ADAM12: variants seen among roughly 807,000 people sequenced by gnomAD.
ADAM12 encodes the protein disintegrin and metalloproteinase domain-containing protein 12.
In ADAM12, 70 loss-of-function variants were observed where a neutral mutation model predicts 106.4. The observed-to-expected ratio is 0.66, with a 90% CI of 0.54 to 0.80. ADAM12 has a LOEUF of 0.80. Among genes scored for constraint, ADAM12 ranks in the 30% least tolerant of loss-of-function variants. The pLI is 0.00. For missense variants in ADAM12, 1,010 were observed against 1,171.9 expected (o/e 0.86, Z 2.02); for synonymous variants, 420 against 433.5 (o/e 0.97, Z 0.39).
At chr10:126,051,952 G>C (rs1262167653) in intron 14 of ADAM12, among the ~76,000 whole-genome samples, 1 of 152,198 alleles carries the variant, frequency 6.6e-6, no homozygotes, top group Admixed American at 6.5e-5. Context: ...TCTTAGAGAA[G>C]ACATCATGAG....
At chr10:126,284,225 C>T (rs563696765) in intron 2 of ADAM12, among the ~76,000 whole-genome samples, 5 of 146,506 alleles carry the variant, frequency 3.4e-5, no homozygotes, top group East Asian at 2.1e-4. Context: ...CCTAGCTACT[C>T]GGGAGGCTGA....
At chr10:126,173,319 C>G (rs953821030) in intron 3 of ADAM12, among the ~76,000 whole-genome samples, 1 of 152,098 alleles carries the variant, frequency 6.6e-6, no homozygotes, top group East Asian at 1.9e-4. Context: ...TTGAGGTGAC[C>G]TCAGAAAGGG....
chr10:126,179,674 G>C (rs1288547500), intron 3 of ADAM12, among the ~76,000 whole-genome samples: 1 of 152,086 alleles, frequency 6.6e-6, no homozygotes, highest in Non-Finnish European at 1.5e-5. Context: ...TAAATGCCAG[G>C]CTGGGTACTG....
intron 3 of ADAM12, among the ~76,000 whole-genome samples, chr10:126,237,563 T>C (rs1178491538): frequency 6.6e-6 from 1 of 152,228 alleles, no homozygotes; most frequent in Non-Finnish European, 1.5e-5. Flanking sequence ...AATATCTTCA[T>C]ATATTTTTGT....
In ADAM12 at chr10:126,038,222, A is replaced by C; in HGVS notation, c.2349+19T>G. On this transcript the variant is annotated intron_variant, in intron 20 of 22. Transcript: ENST00000448723. ...GTCTGCATGTGTGCCCTGAGCACTCACATCTACTCAAGACTCACCTTCGGT... is the reference window on the plus strand; with the variant it reads ...GTCTGCATGTGTGCCCTGAGCACTCCCATCTACTCAAGACTCACCTTCGGT... The C allele has an allele frequency of 6.3e-7, 1 of 1,589,314 alleles. No homozygotes were observed. The highest frequency in any genetic ancestry group is 8.6e-7 in the Non-Finnish European group (1 of 1,164,086).
chr10:126,084,345 AG>A (rs1175395450), intron 11 of ADAM12, among the ~76,000 whole-genome samples: 1 of 152,204 alleles, frequency 6.6e-6, no homozygotes, highest in Non-Finnish European at 1.5e-5. Flanking sequence ...CCATATTAAA[AG>A]GACCTCAGCC....
chr10:126,048,675 A>C (rs1565011726), intron 16 of ADAM12, among the ~76,000 whole-genome samples: 1 of 152,152 alleles, frequency 6.6e-6, no homozygotes. Flanking sequence ...GAAAAAAAAA[A>C]AATCAGTATG....
At chr10:126,218,931 C>A (rs907832372) in intron 3 of ADAM12, among the ~76,000 whole-genome samples, 1 of 152,246 alleles carries the variant, frequency 6.6e-6, no homozygotes, top group Non-Finnish European at 1.5e-5. Flanking sequence ...TGCACAGCTG[C>A]ATCACGCCTG....
chr10:126,103,802 A>G (rs951472485), intron 8 of ADAM12, among the ~76,000 whole-genome samples: 7 of 152,230 alleles, frequency 4.6e-5, no homozygotes, highest in African/African-American at 1.7e-4. Context: ...GAAGCGATTC[A>G]CCTGTTTACA....
chr10:126,160,951 C>T (rs1162969809), intron 3 of ADAM12, among the ~76,000 whole-genome samples: 3 of 152,208 alleles, frequency 2.0e-5, no homozygotes, highest in Admixed American at 1.3e-4. Flanking sequence ...GTAGCCAGCA[C>T]CTTTTCATCC....
chr10:126,372,138 C>A (rs1856131557), intron 1 of ADAM12, among the ~76,000 whole-genome samples: 1 of 152,112 alleles, frequency 6.6e-6, no homozygotes, highest in Admixed American at 6.5e-5. Context: ...AATTCTCTGC[C>A]ACCCCCTCTG....
intron 5 of ADAM12, among the ~76,000 whole-genome samples, chr10:126,130,307 T>C (rs1956281619): frequency 6.6e-6 from 1 of 152,152 alleles, no homozygotes; most frequent in South Asian, 2.1e-4. Context: ...TAAAGTTGAC[T>C]GTACAGCTGC....
At chr10:126,297,681 C>G (rs1399567394) in intron 2 of ADAM12, among the ~76,000 whole-genome samples, 1 of 152,096 alleles carries the variant, frequency 6.6e-6, no homozygotes, top group Non-Finnish European at 1.5e-5. Flanking sequence ...CCTAACTTCC[C>G]ACTAAAAACA....
At chr10:126,158,100 C>T (rs12778749) in intron 3 of ADAM12, among the ~76,000 whole-genome samples, 96,832 of 152,038 alleles carry the variant, frequency 0.64, 31,947 homozygotes, top group East Asian at 0.77. Flanking sequence ...AAACCAGAGA[C>T]GGGGACTTGA....
At chr10:126,172,390 G>A (rs1032151417) in intron 3 of ADAM12, among the ~76,000 whole-genome samples, 2 of 152,076 alleles carry the variant, frequency 1.3e-5, no homozygotes, top group African/African-American at 2.4e-5. Context: ...CAATGGCACG[G>A]TGTGTTATTT....
intron 3 of ADAM12, among the ~76,000 whole-genome samples, chr10:126,235,854 A>G (rs1958404195): frequency 6.6e-6 from 1 of 152,150 alleles, no homozygotes. Flanking sequence ...CTGGGTAAGC[A>G]AGAAGCAGGG....
At chr10:126,164,402 C>T (rs1305467974) in intron 3 of ADAM12, among the ~76,000 whole-genome samples, 1 of 152,168 alleles carries the variant, frequency 6.6e-6, no homozygotes, top group African/African-American at 2.4e-5. Context: ...ACAAAGCATC[C>T]AACCGAGTTT....
intron 3 of ADAM12, among the ~76,000 whole-genome samples, chr10:126,221,872 G>A (rs1182436888): frequency 3.3e-5 from 5 of 152,200 alleles, no homozygotes; most frequent in African/African-American, 4.8e-5. Flanking sequence ...CTCATTAAAC[G>A]TGCCCAATGG....
chr10:126,231,917 G>A (rs1590654937), intron 3 of ADAM12, among the ~76,000 whole-genome samples: 1 of 151,002 alleles, frequency 6.6e-6, no homozygotes, highest in Non-Finnish European at 1.5e-5. Context: ...ATCCCCAACT[G>A]TTCTTTCTCA....
Sources: allele counts gnomAD v4.1 joint callset (sites outside exome capture counted in the v4.1 genomes callset), GRCh38; gene constraint gnomAD v4.1.1; transcripts MANE v1.5; gene names NCBI Gene and HGNC (gene_info 2026-07-23, HGNC 2026-07-21).